Variants in XKR4 observed in about 807,000 individuals in gnomAD.
XKR4 encodes the protein XK-related protein 4.
A neutral mutation model predicts 53.9 loss-of-function variants in XKR4; 12 were observed. That is an observed-to-expected ratio of 0.22 (90% CI 0.14 to 0.36). XKR4 has a LOEUF of 0.36. Among genes scored for constraint, XKR4 ranks in the 10% least tolerant of loss-of-function variants. XKR4 has a pLI of 1.00. For missense variants in XKR4, 799 were observed against 859.5 expected (o/e 0.93, Z 0.88); for synonymous variants, 354 against 362.4 (o/e 0.98, Z 0.26).
At chr8:55,116,525 A>G (rs941512778) in intron 1 of XKR4, among the ~76,000 whole-genome samples, 3 of 152,216 alleles carry the variant, frequency 2.0e-5, no homozygotes, top group African/African-American at 7.2e-5. Flanking sequence ...GTTCAACAAT[A>G]TGACAAGACA....
At chr8:55,436,287 T>C (rs923916593) in intron 2 of XKR4, among the ~76,000 whole-genome samples, 1 of 152,210 alleles carries the variant, frequency 6.6e-6, no homozygotes, top group Non-Finnish European at 1.5e-5. Context: ...AATTTAACCC[T>C]TGAGAGTCCT....
At chr8:55,424,851 T>C (rs1804990542) in intron 2 of XKR4, among the ~76,000 whole-genome samples, 2 of 152,240 alleles carry the variant, frequency 1.3e-5, no homozygotes, top group Non-Finnish European at 2.9e-5. Flanking sequence ...TGTTGCCTAT[T>C]GCAGATCACA....
At position 55,359,537 on chromosome 8, in the gene XKR4, G is replaced by A. The variant is rs147249907; in HGVS notation, c.1006+1660G>A. ...GTCATGAATTTAGTGCTCATCTCCA[G>A]AACAACTTGGCAACTCCTTAGTATA... On this transcript the variant is annotated intron_variant, in intron 2 of 2. Coordinates refer to ENST00000327381, the MANE Select transcript of XKR4 (RefSeq NM_052898.2). 8.9e-3 allele frequency among the ~76,000 whole-genome samples: 1,359 copies of A among 152,240 alleles called. 25 individuals carry two copies. The highest frequency in any genetic ancestry group is 0.03 in the African/African-American group (1,251 of 41,540).
intron 1 of XKR4, among the ~76,000 whole-genome samples, chr8:55,116,844 C>T (rs1033411915): frequency 6.6e-6 from 1 of 152,042 alleles, no homozygotes; most frequent in Non-Finnish European, 1.5e-5. Context: ...TTTTAAGTCT[C>T]CTCTTTCAGT....
At chr8:55,326,476 T>TA in intron 1 of XKR4, among the ~76,000 whole-genome samples, 1 of 148,778 alleles carries the variant, frequency 6.7e-6, no homozygotes, top group East Asian at 2.0e-4. Context: ...TCCTTTTTTT[T>TA]TTTTTTTTTT....
chr8:55,523,336 G>A lies in XKR4; in HGVS notation c.1062G>A (p.Gln354=), dbSNP rs7839072. The change falls in exon 3 of 3, where the codon CAG becomes CAA. Residue 354 remains glutamine, a synonymous_variant. Transcript: ENST00000327381. ...TGGCCTGGGCCTTGGCCTCCTACCA[G>A]AAGGCCCTCCGGGACTCTCGAGATG... is the stretch of plus-strand genomic sequence containing the variant. The part of the protein sequence containing the change: ...VSLAWALASY[Q]KALRDSRDDK... The A allele has an allele frequency of 4.5e-5, 73 of 1,614,110 alleles. No individual in the cohort carries two copies. The highest frequency in any genetic ancestry group is 5.7e-5 in the Non-Finnish European group (67 of 1,179,990).
At chr8:55,505,391 A>G (rs1806512183) in intron 2 of XKR4, among the ~76,000 whole-genome samples, 1 of 152,126 alleles carries the variant, frequency 6.6e-6, no homozygotes, top group Non-Finnish European at 1.5e-5. Context: ...AATAAAATAA[A>G]ATAAAATAAA....
chr8:55,301,494 C>G (rs1350459281), intron 1 of XKR4, among the ~76,000 whole-genome samples: 3 of 152,028 alleles, frequency 2.0e-5, no homozygotes, highest in Non-Finnish European at 4.4e-5. Flanking sequence ...GATTTATAAT[C>G]CTTTGGGTAT....
At chr8:55,206,657 T>G (rs1817655405) in intron 1 of XKR4, among the ~76,000 whole-genome samples, 1 of 152,168 alleles carries the variant, frequency 6.6e-6, no homozygotes, top group African/African-American at 2.4e-5. Flanking sequence ...AAATCACAAA[T>G]ATTGCCCCTG....
chr8:55,433,737 G>T (rs1200884503), intron 2 of XKR4, among the ~76,000 whole-genome samples: 3 of 152,190 alleles, frequency 2.0e-5, no homozygotes, highest in African/African-American at 7.2e-5. Context: ...TAGGAGGAAG[G>T]GTTGCAGAGC....
chr8:55,379,929 C>T (rs1235520495), intron 2 of XKR4, among the ~76,000 whole-genome samples: 3 of 152,198 alleles, frequency 2.0e-5, no homozygotes, highest in African/African-American at 7.2e-5. Flanking sequence ...GGGAAACTAC[C>T]TCAAGTGTTA....
At chr8:55,490,262 G>A (rs1806252618) in intron 2 of XKR4, among the ~76,000 whole-genome samples, 1 of 152,188 alleles carries the variant, frequency 6.6e-6, no homozygotes, top group Non-Finnish European at 1.5e-5. Context: ...ATAAAATGAT[G>A]TAAAATGATG....
At chr8:55,451,364 C>G (rs2129396313) in intron 2 of XKR4, 3 of 684,890 alleles carry the variant, frequency 4.4e-6, no homozygotes, top group Middle Eastern at 3.8e-4. Flanking sequence ...ATGTGACTCC[C>G]CACGTGGGCT....
chr8:55,314,158 G>T (rs568555327), intron 1 of XKR4, among the ~76,000 whole-genome samples: 1 of 152,128 alleles, frequency 6.6e-6, no homozygotes, highest in Non-Finnish European at 1.5e-5. Context: ...ACCTTGGCTG[G>T]CTTGTGAACT....
Position 55,525,400 on chromosome 8 carries a change from A to T in XKR4, c.*1173A>T, listed in dbSNP as rs1806869156. On this transcript the variant is annotated 3_prime_UTR_variant, in exon 3 of 3. Transcript: ENST00000327381. ...CTCCCCCCAATCCAAGGTCAAAGTG[A>T]TGTGTCTTTTAGAGGCTTTGGGACA... The T allele has an allele frequency of 6.5e-6, 1 of 152,692 alleles. No individual in the cohort carries two copies. The highest frequency in any genetic ancestry group is 1.9e-4 in the East Asian group (1 of 5,202). The allele number at this position is 152,692 out of a possible 1,614,324, so 9.5% of individuals were successfully genotyped here.
intron 1 of XKR4, among the ~76,000 whole-genome samples, chr8:55,316,764 A>T (rs766278600): frequency 6.6e-6 from 1 of 151,952 alleles, no homozygotes; most frequent in Non-Finnish European, 1.5e-5. Context: ...CTCTACCGCA[A>T]CCCCCAAGCA....
chr8:55,186,647 C>T (rs536316111), intron 1 of XKR4, among the ~76,000 whole-genome samples: 44 of 152,184 alleles, frequency 2.9e-4, no homozygotes, highest in African/African-American at 9.2e-4. Flanking sequence ...CAGAGTGAGA[C>T]TCCGTCTCAA....
rs926761352 is a variant in XKR4 at position 55,352,268 on chromosome 8, A to G, written c.807-5410A>G. Among the ~76,000 whole-genome samples, 13 of 152,236 alleles carry G rather than the reference A, an allele frequency of 8.5e-5. 1 individual carries two copies. The highest frequency in any genetic ancestry group is 1.6e-4 in the Non-Finnish European group (11 of 68,042). On this transcript the variant is annotated intron_variant, in intron 1 of 2. Coordinates refer to ENST00000327381, the MANE Select transcript of XKR4 (RefSeq NM_052898.2). Reference sequence around the variant, plus strand: ...GATTCCAGCGTGATAAGGAATGTGTAGAGGCATTCCAGGGCAGGAGAACCA... The same window carrying G: ...GATTCCAGCGTGATAAGGAATGTGTGGAGGCATTCCAGGGCAGGAGAACCA...
In XKR4 at chr8:55,479,493, GA is replaced by G. The variant is rs1362766126; in HGVS notation, c.1007-43784del. On this transcript the variant is annotated intron_variant, in intron 2 of 2. Transcript: ENST00000327381. Reference sequence around the variant, plus strand: ...CCTAACATCAAAATTAAAAGAATTAGAAAAGCAAGAGCAAACACATTCAAAA... The same window carrying G: ...CCTAACATCAAAATTAAAAGAATTAGAAAGCAAGAGCAAACACATTCAAAA... Among the ~76,000 whole-genome samples the G allele has an allele frequency of 6.6e-5, 10 of 152,158 alleles. No individual in the cohort carries two copies. In the East Asian group the frequency reaches 1.7e-3, roughly 26 times the overall value.
Sources: gnomAD v4.1 joint callset for allele counts (sites outside exome capture counted in the v4.1 genomes callset) on GRCh38, gnomAD v4.1.1 for gene constraint, MANE v1.5 for transcripts, NCBI Gene and HGNC (gene_info 2026-07-23, HGNC 2026-07-21) for gene names.